Variants in SYT4 observed in about 807,000 individuals in gnomAD.
The protein encoded by SYT4 is synaptotagmin 4, also known as synaptotagmin-4.
In SYT4, 7 loss-of-function variants were observed where a neutral mutation model predicts 32.9. The observed-to-expected ratio is 0.21, with a 90% CI of 0.12 to 0.40. The LOEUF is 0.40. SYT4 is among the 10% of genes least tolerant of loss of function. SYT4 has a pLI of 1.00. For missense variants in SYT4, 480 were observed against 488.0 expected (o/e 0.98, Z 0.16); for synonymous variants, 205 against 186.2 (o/e 1.10, Z -0.82).
chr18:43,269,276 G>C lies in SYT4; in HGVS notation c.*1065C>G, dbSNP rs748943216. 2.0e-5 allele frequency: 3 copies of C among 152,146 alleles called. No individual in the cohort carries two copies. The highest frequency in any genetic ancestry group is 7.2e-5 in the African/African-American group (3 of 41,436). The allele number at this position is 152,146 out of a possible 1,614,324, so 9.4% of individuals were successfully genotyped here. ...AATTATATTAGAATTGCTCTTGAAC[G>C]ATTTTGTAGTCTTACATTTGTTTGT... On this transcript the variant is annotated 3_prime_UTR_variant, in exon 4 of 4. Transcript: ENST00000255224.
At position 43,273,588 on chromosome 18, in the gene SYT4, T is replaced by G. The variant is rs376265363; in HGVS notation, c.841A>C (p.Asn281His). ...MLMNREIIKR[N>H]VRKSSGRGEL... is the part of the protein sequence containing the mutation. ...CACTGAAAATAAATTACCCTAACAT[T>G]TCTCTTGATGATCTCTCTATTCATT... The change falls in exon 2 of 4, where the codon AAT becomes CAT. Residue 281 changes from asparagine to histidine, a missense_variant. Asn to His is a moderately conservative substitution (Grantham distance 68). Coordinates refer to ENST00000255224, the MANE Select transcript of SYT4 (RefSeq NM_020783.4). The G allele has an allele frequency of 6.2e-7, 1 of 1,600,082 alleles. No homozygotes were observed. Among genetic ancestry groups the G allele is most frequent in the Admixed American group, 1.7e-5 (1 of 58,114 alleles).
At chr18:43,274,497 G>C (rs574070101) in intron 1 of SYT4, 103 bp from the exon 2 acceptor site, 1 of 911,294 alleles carries the variant, frequency 1.1e-6, no homozygotes, top group African/African-American at 1.7e-5. Flanking sequence ...AGGTTGGATA[G>C]ATTGAATTAC....
chr18:43,271,664 T>C (rs1333720249), intron 3 of SYT4, 48 bp downstream of exon 3: 11 of 1,607,806 alleles, frequency 6.8e-6, no homozygotes, highest in Admixed American at 1.7e-5. Context: ...TGCAGTCAAA[T>C]ACATTCCAAT....
intron 2 of SYT4, 87 bp downstream of exon 2, chr18:43,273,493 C>T: frequency 1.2e-6 from 1 of 834,704 alleles, no homozygotes; most frequent in Non-Finnish European, 1.8e-6. Context: ...TATGTACAAG[C>T]TTATCATATT....
intron 2 of SYT4, 98 bp from the exon 3 acceptor site, chr18:43,271,930 T>A: frequency 8.0e-7 from 1 of 1,256,152 alleles, no homozygotes; most frequent in African/African-American, 1.5e-5. Flanking sequence ...TTAAATATAA[T>A]CTTACTTATT....
Position 43,277,365 on chromosome 18 carries a change from C to T in SYT4, c.-84G>A. The T allele has an allele frequency of 7.0e-6, 11 of 1,570,396 alleles. No individual in the cohort carries two copies. In the East Asian group the frequency reaches 1.1e-4, roughly 16 times the overall value. ...TGCCTGGATCTCAAGCGCCGGCTTT[C>T]GGAGCGCTGAAAACAACAGCGCAGA... On this transcript the variant is annotated 5_prime_UTR_variant, in exon 1 of 4. Coordinates refer to ENST00000255224, the MANE Select transcript of SYT4 (RefSeq NM_020783.4).
At chr18:43,271,630 A>G in intron 3 of SYT4, 82 bp downstream of exon 3, 4 of 1,543,818 alleles carry the variant, frequency 2.6e-6, no homozygotes, top group Non-Finnish European at 2.6e-6. Flanking sequence ...AAAAGATAGA[A>G]GAGTAAGAGT....
chr18:43,274,250 A>C lies in SYT4; in HGVS notation c.179T>G (p.Val60Gly), dbSNP rs760641061. 3.1e-6 allele frequency: 5 copies of C among 1,613,446 alleles called. No homozygotes were observed. Among genetic ancestry groups the C allele is most frequent in the Non-Finnish European group, 4.2e-6 (5 of 1,179,832 alleles). ...ATTTAGGTTTTCAGGGTAAATATCAACTCCCTTAAGCACATGCACAAACTT... is the reference window on the plus strand; with the variant it reads ...ATTTAGGTTTTCAGGGTAAATATCACCTCCCTTAAGCACATGCACAAACTT... ...PYKFVHVLKG[V>G]DIYPENLNSK... The change falls in exon 2 of 4, where the codon GTT becomes GGT. Residue 60 changes from valine to glycine, a missense_variant. Coordinates refer to ENST00000255224, the MANE Select transcript of SYT4 (RefSeq NM_020783.4).
intron 2 of SYT4, 106 bp downstream of exon 2, chr18:43,273,474 T>C: frequency 2.9e-6 from 2 of 682,704 alleles, no homozygotes; most frequent in Non-Finnish European, 4.8e-6. Context: ...TTAAACATGG[T>C]AAGGATGATA....
intron 2 of SYT4, among the ~76,000 whole-genome samples, chr18:43,273,244 T>C (rs1056983230): frequency 1.1e-4 from 16 of 152,154 alleles, no homozygotes; most frequent in African/African-American, 3.9e-4. Context: ...AACTTGCTTA[T>C]GAATAAGAAA....
At chr18:43,275,616 C>A (rs892873984) in intron 1 of SYT4, among the ~76,000 whole-genome samples, 1 of 152,078 alleles carries the variant, frequency 6.6e-6, no homozygotes, top group Non-Finnish European at 1.5e-5. Flanking sequence ...CCCCCCAAAT[C>A]TTCTGCCAAT....
Position 43,274,161 on chromosome 18 carries a change from T to C in SYT4, c.268A>G (p.Asn90Asp), listed in dbSNP as rs1338476601. The change falls in exon 2 of 4, where the codon AAT (asparagine) becomes GAT (aspartate). Residue 90 changes from asparagine to aspartate, a missense_variant. By Grantham distance (23) the Asn-to-Asp change is conservative. Coordinates refer to ENST00000255224, the MANE Select transcript of SYT4 (RefSeq NM_020783.4). The part of the protein sequence containing the change: ...EVKNKPAVPK[N>D]SLHLDLEKRD... ...TTTTCAAGATCCAGATGCAATGAAT[T>C]CTTTGGCACAGCTGGCTTATTCTTT... 6.2e-7 allele frequency: 1 copy of C among 1,613,988 alleles called. No homozygotes were observed. The highest frequency in any genetic ancestry group is 8.5e-7 in the Non-Finnish European group (1 of 1,179,958).
intron 1 of SYT4, among the ~76,000 whole-genome samples, chr18:43,276,866 T>G (rs1439114487): frequency 6.6e-6 from 1 of 152,202 alleles, no homozygotes; most frequent in East Asian, 1.9e-4. Flanking sequence ...TAACCAGAGA[T>G]ATATTTATCT....
chr18:43,272,170 T>G, intron 2 of SYT4: 1 of 163,490 alleles, frequency 6.1e-6, no homozygotes. Context: ...ATCTCTACTT[T>G]TCAAAGTTAT....
chr18:43,270,060 G>T lies in SYT4; in HGVS notation c.*281C>A. On this transcript the variant is annotated 3_prime_UTR_variant, in exon 4 of 4. Transcript: ENST00000255224. ...ATTTATAATTTGGGATTCTGGCACA[G>T]TATTCATAAAATGTCTGACTATTCC... 2.6e-6 allele frequency: 1 copy of T among 387,476 alleles called. No individual in the cohort carries two copies. Among genetic ancestry groups the T allele is most frequent in the Non-Finnish European group, 4.6e-6 (1 of 215,192 alleles). 24.0% of individuals were successfully genotyped at this position (387,476 alleles called of 1,614,324 possible).
At position 43,271,788 on chromosome 18, in the gene SYT4, C is replaced by T; in HGVS notation, c.894G>A (p.Gln298=). 6.2e-7 allele frequency: 1 copy of T among 1,613,178 alleles called. No individual in the cohort carries two copies. The highest frequency in any genetic ancestry group is 8.5e-7 in the Non-Finnish European group (1 of 1,179,316). Residue 298 remains glutamine (Q), a synonymous_variant, in exon 3 of 4, where the codon CAG becomes CAA. Coordinates refer to ENST00000255224, the MANE Select transcript of SYT4 (RefSeq NM_020783.4). ...CCACAGTTAGAGTGTTTGTGGTGGA[C>T]TGATAGCAGAGAGAGATCAGTAACT... is the stretch of plus-strand genomic sequence containing the variant. ...RGELLISLCY[Q]STTNTLTVVV... is the part of the protein sequence containing the mutation.
At chr18:43,271,514 T>C (rs930590395) in intron 3 of SYT4, among the ~76,000 whole-genome samples, 198 bp downstream of exon 3, 6 of 152,174 alleles carry the variant, frequency 3.9e-5, no homozygotes, top group African/African-American at 1.4e-4. Flanking sequence ...TTATTTTGTT[T>C]CTCATTGTGC....
intron 3 of SYT4, 122 bp from the exon 4 acceptor site, chr18:43,270,770 A>G (rs1908605949): frequency 1.0e-6 from 1 of 963,996 alleles, no homozygotes; most frequent in Non-Finnish European, 1.5e-6. Context: ...AAAATAAGTC[A>G]AAACAACAGA....
chr18:43,276,070 T>C (rs1323955671), intron 1 of SYT4, among the ~76,000 whole-genome samples: 1 of 152,186 alleles, frequency 6.6e-6, no homozygotes, highest in African/African-American at 2.4e-5. Flanking sequence ...GCACAGTCTC[T>C]AAAAATTCCT....
Sources: gnomAD v4.1 joint callset for allele counts (sites outside exome capture counted in the v4.1 genomes callset) on GRCh38, gnomAD v4.1.1 for gene constraint, MANE v1.5 for transcripts, NCBI Gene and HGNC (gene_info 2026-07-23, HGNC 2026-07-21) for gene names.